The following MAP4K4 variants were observed in gnomAD, a reference collection of about 807,000 sequenced individuals.
MAP4K4 encodes mitogen-activated protein kinase kinase kinase kinase 4.
Under a neutral mutation model 189.6 loss-of-function variants are expected in MAP4K4, and 38 were observed. The ratio of observed to expected loss-of-function variants is 0.20; its 90% CI spans 0.15 to 0.26. The LOEUF is 0.26. MAP4K4 is among the 10% of genes least tolerant of loss of function. The probability of loss-of-function intolerance (pLI) is 1.00; values close to 1 mark genes in which losing one functional copy is unlikely to be tolerated. For missense variants in MAP4K4, 1,054 were observed against 1,726.9 expected, an observed-to-expected ratio of 0.61 and a Z score of 6.91; for synonymous variants, 610 against 624.3, an observed-to-expected ratio of 0.98 and a Z score of 0.34.
intron 12 of MAP4K4, among the ~76,000 whole-genome samples, chr2:101,845,704 C>T (rs1559166443): frequency 6.6e-6 from 1 of 152,216 alleles, no homozygotes; most frequent in Non-Finnish European, 1.5e-5. Context: ...TTGACCAAAA[C>T]ATGGCTATTT....
At chr2:101,889,813 A>G (rs1176416513) in intron 32 of MAP4K4, among the ~76,000 whole-genome samples, 1 of 152,212 alleles carries the variant, frequency 6.6e-6, no homozygotes, top group Non-Finnish European at 1.5e-5. Flanking sequence ...AATGCAAGAA[A>G]GAAGAAGCTA....
At chr2:101,704,866 T>C (rs1248783910) in intron 2 of MAP4K4, among the ~76,000 whole-genome samples, 1 of 152,100 alleles carries the variant, frequency 6.6e-6, no homozygotes, top group African/African-American at 2.4e-5. Context: ...CTTATATTTA[T>C]TACCAGTGAC....
intron 2 of MAP4K4, among the ~76,000 whole-genome samples, chr2:101,760,487 C>CA (rs1209630895): frequency 0.013 from 1,097 of 84,354 alleles, 15 homozygotes; most frequent in Admixed American, 0.035. Context: ...GACTCCATCT[C>CA]AAAAAAAAAA....
chr2:101,795,700 A>T (rs1053975561), intron 3 of MAP4K4, among the ~76,000 whole-genome samples: 2 of 152,190 alleles, frequency 1.3e-5, no homozygotes, highest in African/African-American at 4.8e-5. Flanking sequence ...GCTCATTGCT[A>T]CTGAGGTATT....
At chr2:101,817,006 T>A (rs1363805782) in intron 3 of MAP4K4, among the ~76,000 whole-genome samples, 1 of 152,012 alleles carries the variant, frequency 6.6e-6, no homozygotes, top group African/African-American at 2.4e-5. Context: ...ACTCTTATTT[T>A]TTTTTTTTTC....
chr2:101,747,518 A>G (rs145594626), intron 2 of MAP4K4, among the ~76,000 whole-genome samples: 1 of 152,148 alleles, frequency 6.6e-6, no homozygotes, highest in African/African-American at 2.4e-5. Context: ...GGAATTTTCA[A>G]GGGTGGAGTA....
chr2:101,854,015 C>T (rs557978281), intron 12 of MAP4K4, among the ~76,000 whole-genome samples: 20 of 152,186 alleles, frequency 1.3e-4, no homozygotes, highest in East Asian at 3.9e-4. Context: ...GATTTTGTTT[C>T]GTTTTGCCTC....
intron 2 of MAP4K4, among the ~76,000 whole-genome samples, chr2:101,776,793 A>G (rs1044280277): frequency 1.3e-5 from 2 of 152,170 alleles, no homozygotes; most frequent in African/African-American, 4.8e-5. Flanking sequence ...GGCTATTTTT[A>G]ATATGGCTAT....
In MAP4K4 at chr2:101,707,769, C is replaced by A. The variant is rs768513591; in HGVS notation, c.123+9231C>A. ...GCAGTGGTGCAATCTCGGCTCACTG[C>A]AAGTTCTGCCTCCCGGGTTCACGCC... is the stretch of plus-strand genomic sequence containing the variant. On this transcript the variant is annotated intron_variant, in intron 2 of 32. Coordinates refer to ENST00000324219, the Ensembl canonical transcript of MAP4K4. 1.3e-4 allele frequency among the ~76,000 whole-genome samples: 19 copies of A among 150,672 alleles called. No individual in the cohort carries two copies. In the South Asian group the frequency reaches 1.7e-3, roughly 13 times the overall value.
chr2:101,840,628 G>A (rs4850990), intron 10 of MAP4K4, among the ~76,000 whole-genome samples: 93,425 of 152,106 alleles, frequency 0.61, 30,453 homozygotes, highest in African/African-American at 0.84. Flanking sequence ...CATCGTCACC[G>A]TCTTTACTAA....
chr2:101,821,766 T>C (rs1435733778), intron 3 of MAP4K4, among the ~76,000 whole-genome samples: 2 of 152,210 alleles, frequency 1.3e-5, no homozygotes, highest in Non-Finnish European at 2.9e-5. Flanking sequence ...CTTCAATAAT[T>C]AACTAGGTTA....
At chr2:101,797,888 A>ATTTTTT (rs1558971586) in intron 3 of MAP4K4, among the ~76,000 whole-genome samples, 1 of 7,624 alleles carries the variant, frequency 1.3e-4, no homozygotes, top group Non-Finnish European at 2.3e-4. Flanking sequence ...ACATTCTTTT[A>ATTTTTT]GTTTTTTTTT....
At position 101,869,562 on chromosome 2, in the gene MAP4K4, C is replaced by G. The variant is rs115561277; in HGVS notation, c.2464-60C>G. The G allele has an allele frequency of 2.2e-3, 2,928 of 1,351,002 alleles. 63 individuals carry two copies. In the African/African-American group the frequency reaches 0.038, roughly 17 times the overall value. The allele number at this position is 1,351,002 out of a possible 1,614,324, so 83.7% of individuals were successfully genotyped here. Reference sequence around the variant, plus strand: ...GGCAATTTATGGTTAAAGAACTTCTCATCTTCTCCTGTCCCTGCTCCTGCT... The same window carrying G: ...GGCAATTTATGGTTAAAGAACTTCTGATCTTCTCCTGTCCCTGCTCCTGCT... On this transcript the variant is annotated intron_variant, in intron 21 of 32. Coordinates refer to ENST00000324219, the Ensembl canonical transcript of MAP4K4.
chr2:101,702,719 A>G (rs2039659596), intron 2 of MAP4K4, among the ~76,000 whole-genome samples: 1 of 152,204 alleles, frequency 6.6e-6, no homozygotes, highest in Non-Finnish European at 1.5e-5. Context: ...GTTCACTCAA[A>G]GGAGGGACCA....
At chr2:101,859,048 A>G (rs1261941474) in exon 14 of MAP4K4, 1 of 1,612,498 alleles carries the variant, frequency 6.2e-7, no homozygotes, top group Non-Finnish European at 8.5e-7. Context: ...GAAGTCCTTC[A>G]GCAGCAGCTG....
rs761248594 is a variant in MAP4K4, at chr2:101,797,270, C to T, written c.180+6494C>T. ...TTCCTCAGAGGCCAGCTAAATGCTA[C>T]AGGCCTTACAGCTTCGTACTGGCTT... On this transcript the variant is annotated intron_variant, in intron 3 of 32. Coordinates refer to ENST00000324219, the Ensembl canonical transcript of MAP4K4. 9.3e-6 allele frequency: 12 copies of T among 1,290,622 alleles called. No homozygotes were observed. In the South Asian group the frequency reaches 1.5e-4, roughly 16 times the overall value. 79.9% of individuals were successfully genotyped at this position (1,290,622 alleles called of 1,614,324 possible).
At chr2:101,837,140 A>G (rs189165083) in intron 9 of MAP4K4, among the ~76,000 whole-genome samples, 5 of 149,398 alleles carry the variant, frequency 3.3e-5, no homozygotes, top group Non-Finnish European at 5.9e-5. Context: ...TAGTTTTCCA[A>G]TTGATGCTGC....
chr2:101,722,853 A>G (rs2053006534), intron 2 of MAP4K4, among the ~76,000 whole-genome samples: 1 of 152,202 alleles, frequency 6.6e-6, no homozygotes, highest in South Asian at 2.1e-4. Flanking sequence ...ACTTGCATAC[A>G]TCAAACATTG....
At chr2:101,860,833 T>C (rs1299503543) in exon 16 of MAP4K4, 1 of 1,606,602 alleles carries the variant, frequency 6.2e-7, no homozygotes, top group Non-Finnish European at 8.5e-7. Context: ...AGGTGGAAGA[T>C]AGATTTAGGA....
Sources: allele counts gnomAD v4.1 joint callset (sites outside exome capture counted in the v4.1 genomes callset), GRCh38; gene constraint gnomAD v4.1.1; transcripts MANE v1.5; gene names NCBI Gene and HGNC (gene_info 2026-07-23, HGNC 2026-07-21).